Variants in PELI3 observed in about 807,000 individuals in gnomAD.
PELI3 encodes the protein E3 ubiquitin-protein ligase pellino homolog 3.
PELI3 carries 19 observed loss-of-function variants against 35.5 expected under a neutral mutation model. The ratio of observed to expected loss-of-function variants is 0.54; its 90% CI spans 0.37 to 0.79. The LOEUF is 0.79. Among genes scored for constraint, PELI3 ranks in the 30% least tolerant of loss-of-function variants. PELI3 has a pLI of 0.00. For synonymous variants in PELI3, 262 were observed against 279.2 expected, an observed-to-expected ratio of 0.94 and a Z score of 0.62; for missense variants, 490 against 661.2, an observed-to-expected ratio of 0.74 and a Z score of 2.84.
chr11:66,466,698 C>A (rs1854536968), upstream of PELI3: 1 of 152,288 alleles, frequency 6.6e-6, no homozygotes, highest in South Asian at 2.1e-4. Context: ...GAGAGCGGGG[C>A]TTCCCTGGTC....
chr11:66,473,730 G>T lies in PELI3; in HGVS notation c.652-7G>T, dbSNP rs1264262883. On this transcript the variant is annotated splice_region_variant and splice_polypyrimidine_tract_variant and intron_variant, in intron 6 of 7. Coordinates refer to ENST00000320740, the MANE Select transcript of PELI3 (RefSeq NM_145065.3). The surrounding 1 kb of genome is among the most constrained non-coding windows in gnomAD (Gnocchi z 5.8). ...GGGATGTGATCTGATCCCTCATGTG[G>T]TCCCAGGAGCGAGCGGCCAAATGGC... The T allele has an allele frequency of 3.1e-6, 5 of 1,613,560 alleles. No individual in the cohort carries two copies. The Admixed American group carries it at 8.3e-5, about 27-fold the overall frequency.
chr11:66,476,598 A>C lies in PELI3; in HGVS notation c.*431A>C. 1.6e-5 allele frequency: 3 copies of C among 191,098 alleles called. No individual in the cohort carries two copies. The highest frequency in any genetic ancestry group is 1.2e-4 in the Admixed American group (2 of 17,234). The allele number at this position is 191,098 out of a possible 1,614,324, so 11.8% of individuals were successfully genotyped here. ...GCTGCCGCCCTGGGTTCCTCTATAA[A>C]CCTCGCTGCTCAGCTGCCCCCACAA... On this transcript the variant is annotated 3_prime_UTR_variant, in exon 8 of 8. Transcript: ENST00000320740.
At chr11:66,474,537 A>G (rs1854835068) in intron 7 of PELI3, 1 of 160,324 alleles carries the variant, frequency 6.2e-6, no homozygotes, top group African/African-American at 2.4e-5. Flanking sequence ...GCATGAGCAC[A>G]TTGGCCAAGG....
Position 66,471,296 on chromosome 11 carries a change from A to C in PELI3, c.279A>C (p.Ala93=). 6.2e-7 allele frequency: 1 copy of C among 1,613,778 alleles called. No homozygotes were observed. The highest frequency in any genetic ancestry group is 8.5e-7 in the Non-Finnish European group (1 of 1,179,974). ...AGGGCCGCCGGCGAAGCCGCCTGGC[A>C]CTGAGCCGCCGGTCGCACGCCAACG... The part of the protein sequence containing the change: ...GDKGRRRSRL[A]LSRRSHANGV... Residue 93 remains alanine, a synonymous_variant, in exon 4 of 8, where the codon GCA becomes GCC. Transcript: ENST00000320740.
chr11:66,469,010 G>A (rs150912640), intron 3 of PELI3, 106 bp downstream of exon 3: 4 of 565,178 alleles, frequency 7.1e-6, no homozygotes, highest in African/African-American at 3.8e-5. Context: ...GAAAGCCAAG[G>A]CCAGGAGAGA....
Position 66,477,160 on chromosome 11 carries a change from A to T in PELI3, c.*993A>T, listed in dbSNP as rs183764131. 1 of 152,350 alleles carries T rather than the reference A, an allele frequency of 6.6e-6. No individual in the cohort carries two copies. The highest frequency in any genetic ancestry group is 2.4e-5 in the African/African-American group (1 of 41,396). The allele number at this position is 152,350 out of a possible 1,614,324, so 9.4% of individuals were successfully genotyped here. On this transcript the variant is annotated 3_prime_UTR_variant, in exon 8 of 8. Coordinates refer to ENST00000320740, the MANE Select transcript of PELI3 (RefSeq NM_145065.3). ...ACCATGTGACCAGGGAAGATGCTGG[A>T]TGGAGGATTCTGAACCTCATTTGTG...
rs1245619052 is a variant in PELI3, at chr11:66,471,321, G to A, written c.304G>A (p.Gly102Arg). 2 of 1,614,028 alleles carry A rather than the reference G, an allele frequency of 1.2e-6. No individual in the cohort carries two copies. The highest frequency in any genetic ancestry group is 1.7e-6 in the Non-Finnish European group (2 of 1,179,992). ...LALSRRSHANGVKPDVMHHIS... is the reference protein window; with the variant it reads ...LALSRRSHANRVKPDVMHHIS... ...ACTGAGCCGCCGGTCGCACGCCAAC[G>A]GGGTGAAGCCAGACGTCATGCACCA... The change falls in exon 4 of 8, where the codon GGG (glycine) becomes AGG (arginine). Residue 102 changes from glycine to arginine, a missense_variant. By Grantham distance (125) the Gly-to-Arg change is moderately radical. Transcript: ENST00000320740.
At position 66,476,043 on chromosome 11, in the gene PELI3, A is replaced by G; in HGVS notation, c.1286A>G (p.Tyr429Cys). 1 of 1,611,460 alleles carries G rather than the reference A, an allele frequency of 6.2e-7. No individual in the cohort carries two copies. The highest frequency in any genetic ancestry group is 8.5e-7 in the Non-Finnish European group (1 of 1,179,748). The stretch of plus-strand genomic sequence containing the variant: ...GTCTGCTCTGAGAAGACTGCCCGCT[A>G]CTGGGCCCAGACACCACTGCCCCAC... ...GHVCSEKTAR[Y>C]WAQTPLPHGT... Residue 429 changes from tyrosine to cysteine, a missense_variant, in exon 8 of 8, where the codon TAC (tyrosine) becomes TGC (cysteine). Transcript: ENST00000320740.
intron 7 of PELI3, chr11:66,474,948 C>T (rs1854853202): frequency 1.3e-5 from 2 of 152,220 alleles, no homozygotes; most frequent in Non-Finnish European, 2.9e-5. Flanking sequence ...CCAGGCTGGT[C>T]TGGAACTCCT....
In PELI3 at chr11:66,476,948, T is replaced by G. The variant is rs1283797843; in HGVS notation, c.*781T>G. 1 of 152,238 alleles carries G rather than the reference T, an allele frequency of 6.6e-6. No homozygotes were observed. Among genetic ancestry groups the G allele is most frequent in the Non-Finnish European group, 1.5e-5 (1 of 68,084 alleles). The allele number at this position is 152,238 out of a possible 1,614,324, so 9.4% of individuals were successfully genotyped here. On this transcript the variant is annotated 3_prime_UTR_variant, in exon 8 of 8. Transcript: ENST00000320740. ...GTCATAGGAGCTCAGCCTCAACGGC[T>G]GCTCGGAACCCTCCGAGTCCACAAG...
intron 3 of PELI3, among the ~76,000 whole-genome samples, chr11:66,469,211 T>G (rs1854634354): frequency 6.6e-6 from 1 of 151,440 alleles, no homozygotes; most frequent in Non-Finnish European, 1.5e-5. Context: ...ATATTATCAT[T>G]AAGATTTTTT....
chr11:66,475,207 A>T lies in PELI3; in HGVS notation c.841-391A>T, dbSNP rs988695140. 5 of 234,194 alleles carry T rather than the reference A, an allele frequency of 2.1e-5. No homozygotes were observed. In the Admixed American group the frequency reaches 2.4e-4, roughly 11 times the overall value. The allele number at this position is 234,194 out of a possible 1,614,324, so 14.5% of individuals were successfully genotyped here. On this transcript the variant is annotated intron_variant, in intron 7 of 7. Coordinates refer to ENST00000320740, the MANE Select transcript of PELI3 (RefSeq NM_145065.3). ...CCTAGCTCCTGAGTTTTTGCTTTTAACTGTAACTACTGGGACAGCTGCTTT... is the reference window on the plus strand; with the variant it reads ...CCTAGCTCCTGAGTTTTTGCTTTTATCTGTAACTACTGGGACAGCTGCTTT...
rs202243472 is a variant in PELI3, at chr11:66,472,336, C to T, written c.355-33C>T. ...AAGGCATACACTTATCATGGCTGCA[C>T]ACCCTGGCAAGTGACTTTTTTCTCC... On this transcript the variant is annotated intron_variant, in intron 4 of 7. Coordinates refer to ENST00000320740, the MANE Select transcript of PELI3 (RefSeq NM_145065.3). 1.8e-5 allele frequency: 28 copies of T among 1,554,932 alleles called. No individual in the cohort carries two copies. In the African/African-American group the frequency reaches 3.4e-4, roughly 19 times the overall value.
chr11:66,473,377 C>G lies in PELI3; in HGVS notation c.593C>G (p.Pro198Arg). ...CGCATCCTCTGTGACCGCCGGCCAC[C>G]CTATACTGCCCGCATCTATGCCGCT... ...ACRILCDRRP[P>R]YTARIYAAGF... The change falls in exon 6 of 8, where the codon CCC (proline) becomes CGC (arginine). Residue 198 changes from proline (P) to arginine (R), a missense_variant. Physicochemically the swap from Pro to Arg is moderately radical, Grantham distance 103. Around this residue, in one of 3 missense-constraint regions of PELI3, gnomAD observed 349 missense variants for 484.8 expected, o/e 0.72. Coordinates refer to ENST00000320740, the MANE Select transcript of PELI3 (RefSeq NM_145065.3). The surrounding 1 kb of genome is among the most constrained non-coding windows in gnomAD (Gnocchi z 5.8). 2 of 1,613,636 alleles carry G rather than the reference C, an allele frequency of 1.2e-6. No individual in the cohort carries two copies. The highest frequency in any genetic ancestry group is 1.7e-6 in the Non-Finnish European group (2 of 1,180,010).
intron 7 of PELI3, chr11:66,474,378 A>C (rs1231111507): frequency 2.4e-6 from 1 of 409,984 alleles, no homozygotes; most frequent in Non-Finnish European, 4.4e-6. Flanking sequence ...TCCTTACAGT[A>C]GTTCTGACAC....
At position 66,474,168 on chromosome 11, in the gene PELI3, G is replaced by A. The variant is rs148990332; in HGVS notation, c.840+243G>A. ...CCACTGGAGGTCCAGGGGGTGATGC[G>A]ATCAAGGCACACACAGACATACTGT... On this transcript the variant is annotated intron_variant, in intron 7 of 7. Coordinates refer to ENST00000320740, the MANE Select transcript of PELI3 (RefSeq NM_145065.3). 3,786 of 676,426 alleles carry A rather than the reference G, an allele frequency of 5.6e-3. 87 individuals carry two copies. Among genetic ancestry groups the A allele is most frequent in the South Asian group, 3.8e-3 (241 of 62,766 alleles). 41.9% of individuals were successfully genotyped at this position (676,426 alleles called of 1,614,324 possible).
At chr11:66,472,126 A>C (rs1353718798) in intron 4 of PELI3, among the ~76,000 whole-genome samples, 1 of 150,140 alleles carries the variant, frequency 6.7e-6, no homozygotes, top group East Asian at 2.0e-4. Flanking sequence ...CGCCCACCTC[A>C]GCCTCCCAAA....
rs2134696324 is a variant in PELI3 at position 66,473,655 on chromosome 11, A to G, written c.652-82A>G. 6.4e-7 allele frequency: 1 copy of G among 1,554,606 alleles called. No homozygotes were observed. Among genetic ancestry groups the G allele is most frequent in the South Asian group, 1.2e-5 (1 of 86,570 alleles). ...CTCTCTGGGCCGCCTCTGAACTTGAAGGTAGCGGGGGCAGTGCCTCTGGCA... is the reference window on the plus strand; with the variant it reads ...CTCTCTGGGCCGCCTCTGAACTTGAGGGTAGCGGGGGCAGTGCCTCTGGCA... On this transcript the variant is annotated intron_variant, in intron 6 of 7. Transcript: ENST00000320740. This position sits in a 1 kb window ranked among gnomAD's most constrained non-coding sequence, Gnocchi z 5.8.
Position 66,475,854 on chromosome 11 carries a change from A to G in PELI3, c.1097A>G (p.His366Arg). ...GTCTACGTCCGCTGCGGGCACGTCC[A>G]TGGCTACCACGGCTGGGGCTGCCGG... ...PWVYVRCGHV[H>R]GYHGWGCRRE... The change falls in exon 8 of 8, where the codon CAT (histidine) becomes CGT (arginine). Residue 366 changes from histidine (H) to arginine (R), a missense_variant. Physicochemically the swap from His to Arg is conservative, Grantham distance 29. This residue lies in a region of PELI3 where 349 missense variants were observed against 484.8 expected (regional missense o/e 0.72). Transcript: ENST00000320740. 4 of 1,607,436 alleles carry G rather than the reference A, an allele frequency of 2.5e-6. No individual in the cohort carries two copies. Among genetic ancestry groups the G allele is most frequent in the Non-Finnish European group, 3.4e-6 (4 of 1,177,860 alleles).
Sources: allele counts gnomAD v4.1 joint callset (sites outside exome capture counted in the v4.1 genomes callset), GRCh38; gene constraint gnomAD v4.1.1; regional missense constraint gnomAD v4.1.1; non-coding constraint Gnocchi (gnomAD v3.1); transcripts MANE v1.5; gene names NCBI Gene and HGNC (gene_info 2026-07-23, HGNC 2026-07-21).